Variants in PTGES3L observed in about 807,000 individuals in gnomAD.
PTGES3L encodes the protein putative protein PTGES3L.
PTGES3L carries 17 observed loss-of-function variants against 25.0 expected under a neutral mutation model. That is an observed-to-expected ratio of 0.68 (90% CI 0.47 to 1.02). The LOEUF (loss-of-function observed/expected upper bound fraction) is 1.02, where lower values mean the gene tolerates loss of function less well. PTGES3L is among the 50% of genes least tolerant of loss of function. The pLI is 0.00. For synonymous variants in PTGES3L, 59 were observed against 65.7 expected, an observed-to-expected ratio of 0.90 and a Z score of 0.50; for missense variants, 202 against 197.5, an observed-to-expected ratio of 1.02 and a Z score of -0.14.
intron 4 of PTGES3L, among the ~76,000 whole-genome samples, chr17:42,976,668 C>T (rs2049960569): frequency 6.6e-6 from 1 of 152,144 alleles, no homozygotes. Context: ...GCGTGAGCCA[C>T]CACACCCGGC....
intron 6 of PTGES3L, 143 bp from the exon 7 acceptor site, chr17:42,969,329 A>G: frequency 2.0e-6 from 1 of 492,264 alleles, no homozygotes. Flanking sequence ...GGGGGCTAAT[A>G]TGAAAGGTTT....
rs141391016 is a variant in PTGES3L at position 42,978,490 on chromosome 17, A to G, written c.288+680T>C. On this transcript the variant is annotated intron_variant, in intron 4 of 6. Coordinates refer to ENST00000591916, the MANE Select transcript of PTGES3L (RefSeq NM_001261430.2). The stretch of plus-strand genomic sequence containing the variant: ...AAAGACCATGTTCATAGCAGTGCCA[A>G]TATCTGAAGTGGAGTCTTACACATT... Among the ~76,000 whole-genome samples the G allele has an allele frequency of 2.7e-3, 409 of 152,312 alleles. 1 individual carries two copies. The highest frequency in any genetic ancestry group is 9.2e-3 in the African/African-American group (382 of 41,562).
intron 5 of PTGES3L, among the ~76,000 whole-genome samples, chr17:42,970,910 G>A (rs1242731386): frequency 6.6e-6 from 1 of 151,998 alleles, no homozygotes; most frequent in East Asian, 1.9e-4. Flanking sequence ...AGGTGGCTGA[G>A]GCACAAGAAT....
intron 4 of PTGES3L, among the ~76,000 whole-genome samples, chr17:42,978,647 T>C (rs1166019622): frequency 6.6e-6 from 1 of 152,136 alleles, no homozygotes; most frequent in Admixed American, 6.6e-5. Flanking sequence ...CAAACCACCA[T>C]GGCACACGTA....
In PTGES3L at chr17:42,968,836, T is replaced by C. The variant is rs922384346; in HGVS notation, c.*312A>G. ...ATCTGCATTCTTCTTTGGCTTTTGT[T>C]TTGCCACATACACACACATACTCAA... On this transcript the variant is annotated 3_prime_UTR_variant, in exon 7 of 7. Coordinates refer to ENST00000591916, the MANE Select transcript of PTGES3L (RefSeq NM_001261430.2). The C allele has an allele frequency of 3.2e-6, 1 of 315,752 alleles. No homozygotes were observed. Among genetic ancestry groups the C allele is most frequent in the Admixed American group, 4.6e-5 (1 of 21,582 alleles). 19.6% of individuals were successfully genotyped at this position (315,752 alleles called of 1,614,324 possible).
At chr17:42,971,781 C>T (rs756583402) in intron 4 of PTGES3L, 85 bp from the exon 5 acceptor site, 144 of 1,433,004 alleles carry the variant, frequency 1.0e-4, no homozygotes, top group African/African-American at 4.9e-4. Context: ...CATGGGAGCA[C>T]GCCTGGGGAA....
chr17:42,974,008 AAAAAT>A (rs1376375459), intron 4 of PTGES3L, among the ~76,000 whole-genome samples: 33 of 149,982 alleles, frequency 2.2e-4, no homozygotes, highest in Admixed American at 6.0e-4. Context: ...TAAATTAAAA[AAAAAT>A]AAAAATAAAA....
At chr17:42,973,011 G>A (rs535270752) in intron 4 of PTGES3L, among the ~76,000 whole-genome samples, 3 of 145,648 alleles carry the variant, frequency 2.1e-5, no homozygotes, top group South Asian at 2.2e-4. Flanking sequence ...CTGCCCGGCC[G>A]CGACCCCGTC....
intron 5 of PTGES3L, among the ~76,000 whole-genome samples, chr17:42,970,672 A>ACGCG (rs768089035): frequency 0.062 from 7,179 of 115,330 alleles, 243 homozygotes; most frequent in African/African-American, 0.096. Context: ...CTGGCTTAAC[A>ACGCG]CGCGCACACA....
chr17:42,975,778 G>A (rs1289594476), intron 4 of PTGES3L, among the ~76,000 whole-genome samples: 1 of 152,030 alleles, frequency 6.6e-6, no homozygotes, highest in Non-Finnish European at 1.5e-5. Flanking sequence ...CCGGGTTCAA[G>A]CAATTCTCCT....
At chr17:42,972,997 G>A (rs2049876403) in intron 4 of PTGES3L, among the ~76,000 whole-genome samples, 2 of 148,014 alleles carry the variant, frequency 1.4e-5, no homozygotes, top group African/African-American at 5.0e-5. Context: ...TGTGAGGAGC[G>A]CCTCTGCCCG....
chr17:42,973,617 AC>A (rs1377348699), intron 4 of PTGES3L, among the ~76,000 whole-genome samples: 1 of 150,724 alleles, frequency 6.6e-6, no homozygotes, highest in Non-Finnish European at 1.5e-5. Flanking sequence ...AAAGAAGTAG[AC>A]ATGGGAGACT....
intron 6 of PTGES3L, 91 bp downstream of exon 6, chr17:42,970,198 T>C: frequency 1.3e-6 from 2 of 1,495,324 alleles, no homozygotes; most frequent in Non-Finnish European, 1.8e-6. Flanking sequence ...TGAGAACTAC[T>C]GTGTGCTAGG....
chr17:42,977,629 AAAAGAAAG>A (rs138415855), intron 4 of PTGES3L, among the ~76,000 whole-genome samples: 80,476 of 134,648 alleles, frequency 0.6, 26,371 homozygotes, highest in East Asian at 0.84. Flanking sequence ...GAAAAGAAGA[AAAAGAAAG>A]AAAGAGAGAG....
chr17:42,972,467 C>T (rs1473198030), intron 4 of PTGES3L, among the ~76,000 whole-genome samples: 2 of 151,742 alleles, frequency 1.3e-5, no homozygotes, highest in South Asian at 2.1e-4. Flanking sequence ...CGAGTGCCTG[C>T]GATTGCAGGC....
At chr17:42,978,144 C>A (rs184922025) in intron 4 of PTGES3L, among the ~76,000 whole-genome samples, 1 of 148,862 alleles carries the variant, frequency 6.7e-6, no homozygotes, top group Non-Finnish European at 1.5e-5. Context: ...CATTGGCTCA[C>A]GCCTGTAATC....
chr17:42,972,506 T>C (rs988251086), intron 4 of PTGES3L, among the ~76,000 whole-genome samples: 1 of 152,138 alleles, frequency 6.6e-6, no homozygotes, highest in East Asian at 1.9e-4. Flanking sequence ...CTGGTTTTGG[T>C]GGAGACGGGG....
intron 4 of PTGES3L, among the ~76,000 whole-genome samples, 183 bp downstream of exon 4, chr17:42,978,987 T>C (rs6503723): frequency 1 from 151,495 of 152,236 alleles, 75,384 homozygotes; most frequent in Middle Eastern, 1. Context: ...GCAACAAGAG[T>C]GAAACTCCGT....
At chr17:42,973,568 A>C (rs1192837639) in intron 4 of PTGES3L, among the ~76,000 whole-genome samples, 1 of 151,962 alleles carries the variant, frequency 6.6e-6, no homozygotes, top group Non-Finnish European at 1.5e-5. Context: ...AAAGGTGGGG[A>C]AAAGATTGAG....
Sources: allele counts gnomAD v4.1 joint callset (sites outside exome capture counted in the v4.1 genomes callset), GRCh38; gene constraint gnomAD v4.1.1; transcripts MANE v1.5; gene names NCBI Gene and HGNC (gene_info 2026-07-23, HGNC 2026-07-21).